Variants in NR2F1-AS1 observed in about 807,000 individuals in gnomAD.
NR2F1-AS1 encodes the protein NR2F1 regulatory antisense RNA 1.
chr5:93,427,913 A>G (rs946590022), intron 4 of NR2F1-AS1, among the ~76,000 whole-genome samples: 1 of 142,558 alleles, frequency 7.0e-6, no homozygotes. Context: ...TGTGAAAGAG[A>G]GAGAAAGAGA....
At chr5:93,431,358 C>T (rs1019214088) in intron 4 of NR2F1-AS1, among the ~76,000 whole-genome samples, 1 of 152,096 alleles carries the variant, frequency 6.6e-6, no homozygotes, top group Non-Finnish European at 1.5e-5. Context: ...TAGTCACAGA[C>T]ACACAAGCTT....
intron 4 of NR2F1-AS1, among the ~76,000 whole-genome samples, chr5:93,458,175 C>G (rs145223555): frequency 6.6e-6 from 1 of 152,042 alleles, no homozygotes; most frequent in Non-Finnish European, 1.5e-5. Flanking sequence ...CCCAGGGGAC[C>G]GGCGCTCAGC....
intron 4 of NR2F1-AS1, among the ~76,000 whole-genome samples, chr5:93,434,877 G>A (rs1749401459): frequency 6.6e-6 from 1 of 152,036 alleles, no homozygotes; most frequent in South Asian, 2.1e-4. Context: ...TTATATAAAT[G>A]ATGTTGTGTT....
chr5:93,531,761 C>T (rs1751740926), intron 4 of NR2F1-AS1, among the ~76,000 whole-genome samples: 3 of 152,086 alleles, frequency 2.0e-5, no homozygotes, highest in South Asian at 2.1e-4. Flanking sequence ...GTTATAACTC[C>T]GTAGTAGCAT....
Position 93,560,082 on chromosome 5 carries a change from A to T in NR2F1-AS1, n.413+3282T>A, listed in dbSNP as rs183607216. ...TATGACTTGAGCAAATTACTTAACC[A>T]TGTTTGAGCTTCAAACTCTTCATCA... On this transcript the variant is annotated intron_variant and non_coding_transcript_variant, in intron 2 of 5. Transcript: ENST00000660523. Among the ~76,000 whole-genome samples the T allele has an allele frequency of 7.9e-5, 12 of 152,324 alleles. No individual in the cohort carries two copies. In the East Asian group the frequency reaches 2.1e-3, roughly 27 times the overall value.
chr5:93,491,973 T>C (rs1479060668), intron 4 of NR2F1-AS1, among the ~76,000 whole-genome samples: 1 of 152,216 alleles, frequency 6.6e-6, no homozygotes, highest in Non-Finnish European at 1.5e-5. Context: ...AAATCTCCTC[T>C]TATCCATCTA....
chr5:93,556,868 G>A lies in NR2F1-AS1; in HGVS notation n.414-1873C>T, dbSNP rs138782989. Among the ~76,000 whole-genome samples the A allele has an allele frequency of 7.2e-4, 109 of 152,204 alleles. No individual in the cohort carries two copies. The East Asian group carries it at 0.017, about 23-fold the overall frequency. ...CTGTTGAGTCAGTCGCCCAGTTTGT[G>A]GTATTTTGTTATAGCCACCATAGCA... is the stretch of plus-strand genomic sequence containing the variant. On this transcript the variant is annotated intron_variant and non_coding_transcript_variant, in intron 2 of 5. Coordinates refer to ENST00000660523, the Ensembl canonical transcript of NR2F1-AS1.
In NR2F1-AS1 at chr5:93,428,227, T is replaced by C. The variant is rs1404823597; in HGVS notation, n.639-32685A>G. On this transcript the variant is annotated intron_variant and non_coding_transcript_variant, in intron 4 of 5. Coordinates refer to ENST00000660523, the Ensembl canonical transcript of NR2F1-AS1. ...ATTTCACCTGCTCTTACAATTGTAT[T>C]GTGGTTGTGTGTGGAAAAGGAGGTA... 2.0e-5 allele frequency among the ~76,000 whole-genome samples: 3 copies of C among 152,314 alleles called. No individual in the cohort carries two copies. The East Asian group carries it at 5.8e-4, about 29-fold the overall frequency.
At chr5:93,582,271 T>TAAAA (rs752563970), upstream of NR2F1-AS1, among the ~76,000 whole-genome samples, 424 of 131,082 alleles carry the variant, frequency 3.2e-3, 1 homozygote, top group African/African-American at 0.011. Context: ...AGCCAGGTGA[T>TAAAA]AAAAAAAAAA....
At chr5:93,438,052 C>A (rs1289485727) in intron 4 of NR2F1-AS1, among the ~76,000 whole-genome samples, 1 of 152,120 alleles carries the variant, frequency 6.6e-6, no homozygotes, top group Non-Finnish European at 1.5e-5. Flanking sequence ...ATAATGTCAA[C>A]CTCCAGGACA....
intron 4 of NR2F1-AS1, among the ~76,000 whole-genome samples, chr5:93,552,533 CATGT>C (rs1178050535): frequency 6.6e-6 from 1 of 152,020 alleles, no homozygotes; most frequent in Non-Finnish European, 1.5e-5. Context: ...CAGGTGATGT[CATGT>C]ACTTGTAGGA....
At chr5:93,567,267 G>C (rs558072738) in intron 1 of NR2F1-AS1, among the ~76,000 whole-genome samples, 39 of 152,098 alleles carry the variant, frequency 2.6e-4, no homozygotes, top group African/African-American at 8.9e-4. Flanking sequence ...ACAAATTAGG[G>C]AAAATTTTTA....
At chr5:93,537,327 T>G (rs965363983) in intron 4 of NR2F1-AS1, among the ~76,000 whole-genome samples, 1 of 152,072 alleles carries the variant, frequency 6.6e-6, no homozygotes, top group Non-Finnish European at 1.5e-5. Context: ...CTAAGATGCT[T>G]TTACACAGCA....
intron 2 of NR2F1-AS1, among the ~76,000 whole-genome samples, chr5:93,559,254 C>G (rs1298360992): frequency 6.6e-6 from 1 of 152,224 alleles, no homozygotes; most frequent in Non-Finnish European, 1.5e-5. Flanking sequence ...GAAACCACTT[C>G]TCTCCTTAAG....
At chr5:93,506,981 A>C (rs1176585881) in intron 4 of NR2F1-AS1, among the ~76,000 whole-genome samples, 1 of 152,216 alleles carries the variant, frequency 6.6e-6, no homozygotes, top group Non-Finnish European at 1.5e-5. Context: ...ATGTCTACAT[A>C]CACATATCTA....
chr5:93,536,261 CTA>C (rs777459287), intron 4 of NR2F1-AS1, among the ~76,000 whole-genome samples: 9 of 152,030 alleles, frequency 5.9e-5, no homozygotes, highest in Non-Finnish European at 1.2e-4. Context: ...ACACTGCAAA[CTA>C]TAAAGCACTG....
At chr5:93,482,549 A>ATAAAAAC (rs1750622638) in intron 4 of NR2F1-AS1, among the ~76,000 whole-genome samples, 1 of 151,992 alleles carries the variant, frequency 6.6e-6, no homozygotes, top group Non-Finnish European at 1.5e-5. Context: ...CGAGCTAACT[A>ATAAAAAC]CAGGAGTTTT....
At chr5:93,511,238 G>A (rs1751289659) in intron 4 of NR2F1-AS1, among the ~76,000 whole-genome samples, 1 of 152,098 alleles carries the variant, frequency 6.6e-6, no homozygotes, top group South Asian at 2.1e-4. Flanking sequence ...TTAATTGAAG[G>A]CCTGAATAAA....
chr5:93,452,101 T>A (rs1393413132), intron 4 of NR2F1-AS1, among the ~76,000 whole-genome samples: 1 of 152,192 alleles, frequency 6.6e-6, no homozygotes, highest in East Asian at 1.9e-4. Context: ...ATACACTATG[T>A]TTTAAAAACA....
Sources: allele counts gnomAD v4.1 joint callset (sites outside exome capture counted in the v4.1 genomes callset), GRCh38; gene constraint gnomAD v4.1.1; transcripts MANE v1.5; gene names NCBI Gene and HGNC (gene_info 2026-07-23, HGNC 2026-07-21).